Variants in SH3KBP1 observed in about 807,000 individuals in gnomAD.
The protein encoded by SH3KBP1 is SH3 domain containing kinase binding protein 1.
Under a neutral mutation model 50.1 loss-of-function variants are expected in SH3KBP1, and 8 were observed. The ratio of observed to expected loss-of-function variants is 0.16; its 90% confidence interval spans 0.09 to 0.29. The LOEUF is 0.29. Ranked by LOEUF, SH3KBP1 falls within the 10% of genes least tolerant of loss-of-function variation. SH3KBP1 has a pLI of 1.00. For missense variants in SH3KBP1, 377 were observed against 535.2 expected (o/e 0.70, Z 2.92); for synonymous variants, 227 against 218.6 (o/e 1.04, Z -0.34).
intron 1 of SH3KBP1, among the ~76,000 whole-genome samples, chrX:19,838,155 A>C (rs1421644871): frequency 8.9e-6 from 1 of 112,447 alleles, no homozygotes; most frequent in Non-Finnish European, 1.9e-5. Flanking sequence ...TGATGGGAGA[A>C]AAAAATTACA....
chrX:19,712,609 T>G (rs5955574), intron 3 of SH3KBP1, among the ~76,000 whole-genome samples: 4,152 of 111,278 alleles, frequency 0.037, 178 homozygotes, highest in African/African-American at 0.12. Context: ...CTAAAACCAC[T>G]GGGCGAAAGC....
chrX:19,564,329 T>G (rs2065772559), intron 13 of SH3KBP1, among the ~76,000 whole-genome samples: 1 of 112,378 alleles, frequency 8.9e-6, no homozygotes, highest in South Asian at 3.7e-4. Context: ...TTGCTCTCTC[T>G]TGCTCTCCTG....
chrX:19,650,743 C>T (rs2062103896), intron 6 of SH3KBP1, among the ~76,000 whole-genome samples: 1 of 112,082 alleles, frequency 8.9e-6, no homozygotes, highest in South Asian at 3.7e-4. Context: ...TTATCAAGTG[C>T]CCATTCAGTG....
intron 10 of SH3KBP1, among the ~76,000 whole-genome samples, chrX:19,593,939 T>A (rs984720157): frequency 2.7e-5 from 3 of 112,317 alleles, no homozygotes; most frequent in Middle Eastern, 4.6e-3. Context: ...GAGCAAAAGA[T>A]GTAATTAACA....
chrX:19,678,349 G>GTT (rs368865059), intron 6 of SH3KBP1, among the ~76,000 whole-genome samples: 5 of 98,249 alleles, frequency 5.1e-5, no homozygotes, highest in Non-Finnish European at 4.2e-5. Context: ...ATTCCAGGAG[G>GTT]TTTTTTTTTT....
chrX:19,740,939 G>A lies in SH3KBP1; in HGVS notation c.286+5379C>T, dbSNP rs191144004. The A allele has an allele frequency of 3.1e-5, 5 of 162,202 alleles. No individual in the cohort carries two copies. The East Asian group carries it at 8.4e-4, about 27-fold the overall frequency. 13.4% of individuals were successfully genotyped at this position (162,202 alleles called of 1,213,427 possible). On this transcript the variant is annotated intron_variant, in intron 3 of 17. Coordinates refer to ENST00000397821, the MANE Select transcript of SH3KBP1 (RefSeq NM_031892.3). ...GGGCAGTCACTTAGATCTGTTTAGGGCTTGGAATGACCAGTGCTGAAACTA... is the reference window on the plus strand; with the variant it reads ...GGGCAGTCACTTAGATCTGTTTAGGACTTGGAATGACCAGTGCTGAAACTA...
chrX:19,616,002 C>G (rs932737992), intron 8 of SH3KBP1, among the ~76,000 whole-genome samples: 1 of 108,828 alleles, frequency 9.2e-6, no homozygotes, highest in Non-Finnish European at 1.9e-5. Context: ...CATTGTTGAA[C>G]GTCTTTATAC....
intron 2 of SH3KBP1, among the ~76,000 whole-genome samples, chrX:19,755,347 C>T (rs750354029): frequency 2.7e-5 from 3 of 111,564 alleles, no homozygotes; most frequent in African/African-American, 9.8e-5. Flanking sequence ...CCAGCCTGGG[C>T]GACAGGGCGA....
intron 7 of SH3KBP1, among the ~76,000 whole-genome samples, chrX:19,639,294 C>G (rs1178153932): frequency 9.0e-6 from 1 of 111,506 alleles, no homozygotes; most frequent in Admixed American, 9.5e-5. Context: ...AATTATTTCA[C>G]AAGTATGAAT....
intron 2 of SH3KBP1, among the ~76,000 whole-genome samples, chrX:19,752,985 G>T (rs755355370): frequency 9.0e-6 from 1 of 111,619 alleles, no homozygotes; most frequent in Non-Finnish European, 1.9e-5. Context: ...GTTCCCAAGA[G>T]GGCATCCTTG....
intron 8 of SH3KBP1, among the ~76,000 whole-genome samples, chrX:19,625,267 AG>A (rs2067979834): frequency 8.9e-6 from 1 of 111,769 alleles, no homozygotes; most frequent in African/African-American, 3.3e-5. Context: ...AATAAACATT[AG>A]AACAAAAAAA....
At chrX:19,681,133 A>G (rs1238120457) in intron 6 of SH3KBP1, among the ~76,000 whole-genome samples, 6 of 111,659 alleles carry the variant, frequency 5.4e-5, no homozygotes, top group South Asian at 3.7e-4. Context: ...TCCGATGAAC[A>G]TTTACTTTGA....
At chrX:19,774,975 C>T (rs2065930459) in intron 2 of SH3KBP1, among the ~76,000 whole-genome samples, 2 of 110,735 alleles carry the variant, frequency 1.8e-5, no homozygotes, top group African/African-American at 6.6e-5. Context: ...CGCATTGGTC[C>T]CCTCATTCTC....
chrX:19,761,986 G>C (rs1177761159), intron 2 of SH3KBP1, among the ~76,000 whole-genome samples: 1 of 112,459 alleles, frequency 8.9e-6, no homozygotes, highest in Non-Finnish European at 1.9e-5. Context: ...CCAACTGTAG[G>C]ATAGACCAGT....
At chrX:19,819,257 G>T (rs974415143) in intron 2 of SH3KBP1, among the ~76,000 whole-genome samples, 1 of 111,872 alleles carries the variant, frequency 8.9e-6, no homozygotes, top group African/African-American at 3.2e-5. Flanking sequence ...GATATCACCT[G>T]TTTTATTCCT....
At chrX:19,698,893 G>A (rs897820276) in intron 4 of SH3KBP1, among the ~76,000 whole-genome samples, 2 of 111,492 alleles carry the variant, frequency 1.8e-5, no homozygotes, top group Non-Finnish European at 3.8e-5. Flanking sequence ...TTGAATGAAT[G>A]AATGAATGAA....
In SH3KBP1 at chrX:19,692,686, TA is replaced by T. The variant is rs1384192341; in HGVS notation, c.520+2925del. 4.8e-3 allele frequency among the ~76,000 whole-genome samples: 456 copies of T among 94,062 alleles called. 8 individuals carry two copies. The highest frequency in any genetic ancestry group is 0.018 in the African/African-American group (413 of 23,452). The allele number at this position is 94,062 out of a possible 115,157, so 81.7% of individuals were successfully genotyped here. The stretch of plus-strand genomic sequence containing the variant: ...GTGTGTGTGTATGTATATATATATA[TA>T]TATTTTTTTTTTTTTTTAATAGTCT... On this transcript the variant is annotated intron_variant, in intron 5 of 17. Transcript: ENST00000397821.
chrX:19,799,702 G>T, intron 2 of SH3KBP1: 1 of 1,207,562 alleles, frequency 8.3e-7, no homozygotes, highest in Non-Finnish European at 1.1e-6. Context: ...AGTATGAAAT[G>T]GTAATTTCTG....
chrX:19,696,899 C>T (rs749818319), intron 4 of SH3KBP1, among the ~76,000 whole-genome samples: 1 of 111,954 alleles, frequency 8.9e-6, no homozygotes, highest in Non-Finnish European at 1.9e-5. Context: ...AAGTGATATG[C>T]ATTCAGTAGG....
Sources: allele counts gnomAD v4.1 joint callset (sites outside exome capture counted in the v4.1 genomes callset), GRCh38; gene constraint gnomAD v4.1.1; transcripts MANE v1.5; gene names NCBI Gene and HGNC (gene_info 2026-07-23, HGNC 2026-07-21).